The following PPP1R12C variants were observed in gnomAD, a reference collection of about 807,000 sequenced individuals.
PPP1R12C encodes the protein leukocyte receptor cluster (LRC) encoded novel gene 3.
PPP1R12C carries 48 observed loss-of-function variants against 95.6 expected under a neutral mutation model. The ratio of observed to expected loss-of-function variants is 0.50; its 90% CI spans 0.40 to 0.64. The LOEUF is 0.64. PPP1R12C is among the 30% of genes least tolerant of loss of function. The pLI, the probability that PPP1R12C is intolerant of heterozygous loss-of-function variation, is 0.00. For missense variants in PPP1R12C, 1,057 were observed against 1,083.3 expected, an observed-to-expected ratio of 0.98 and a Z score of 0.34; for synonymous variants, 480 against 460.8, an observed-to-expected ratio of 1.04 and a Z score of -0.53.
In PPP1R12C at chr19:55,096,299, G is replaced by A; in HGVS notation, c.988C>T (p.Gln330Ter). 6.2e-7 allele frequency: 1 copy of A among 1,613,790 alleles called. No homozygotes were observed. The highest frequency in any genetic ancestry group is 8.5e-7 in the Non-Finnish European group (1 of 1,179,926). The change falls in exon 7 of 22, where the codon CAG (glutamine) becomes TAG (stop). Residue 330 changes from glutamine (Q) to a stop codon, truncating the protein, a stop_gained. Transcript: ENST00000263433. LOFTEE classifies it high-confidence loss of function. Reference sequence around the variant, plus strand: ...CTGCTAGAGGGCGCTTGGGGCTCCTGGCCCCGGCTCTGGGAAGCTTCTTTT... The same window carrying A: ...CTGCTAGAGGGCGCTTGGGGCTCCTAGCCCCGGCTCTGGGAAGCTTCTTTT... ...NQKEASQSRG[Q>*]EPQAPSSSKH...
At chr19:55,106,430 T>A (rs2085039407) in intron 3 of PPP1R12C, among the ~76,000 whole-genome samples, 2 of 152,210 alleles carry the variant, frequency 1.3e-5, no homozygotes, top group South Asian at 4.1e-4. Context: ...GCTGGAATCA[T>A]CACCTTTCCC....
At chr19:55,095,405 G>T in intron 10 of PPP1R12C, 40 bp downstream of exon 10, 1 of 1,564,934 alleles carries the variant, frequency 6.4e-7, no homozygotes, top group Non-Finnish European at 8.7e-7. Flanking sequence ...CCTCGACTGG[G>T]CAGGGGCCTG....
rs973562488 is a variant in PPP1R12C, at chr19:55,091,024, C to T, written c.*448G>A. 1.8e-5 allele frequency: 3 copies of T among 162,714 alleles called. No homozygotes were observed. Among genetic ancestry groups the T allele is most frequent in the Admixed American group, 6.2e-5 (1 of 16,184 alleles). 10.1% of individuals were successfully genotyped at this position (162,714 alleles called of 1,614,324 possible). A position where few individuals can be genotyped will look rare whatever the true frequency, so the allele number is the denominator to read the frequency against. ...GGAGGGGGCAGCAAAAAATAGAAGA[C>T]GTCCCTCCCTATTGCACATGGACCC... On this transcript the variant is annotated 3_prime_UTR_variant, in exon 22 of 22. Transcript: ENST00000263433.
At chr19:55,110,860 ACT>A (rs1180084693) in intron 3 of PPP1R12C, among the ~76,000 whole-genome samples, 2 of 148,310 alleles carry the variant, frequency 1.3e-5, no homozygotes, top group Non-Finnish European at 3.0e-5. Context: ...AAAAAGTGAA[ACT>A]CTGTTTCAAA....
At chr19:55,103,027 C>T (rs11673435) in intron 4 of PPP1R12C, among the ~76,000 whole-genome samples, 33,203 of 152,022 alleles carry the variant, frequency 0.22, 4,430 homozygotes, top group Non-Finnish European at 0.29. Flanking sequence ...CATGGTGAAA[C>T]CCCATCTCTA....
Position 55,096,171 on chromosome 19 carries a change from C to T in PPP1R12C, c.1033G>A (p.Val345Met). 1 of 1,606,420 alleles carries T rather than the reference C, an allele frequency of 6.2e-7. No homozygotes were observed. The highest frequency in any genetic ancestry group is 8.5e-7 in the Non-Finnish European group (1 of 1,175,368). Residue 345 changes from valine to methionine, a missense_variant, in exon 8 of 22, where the codon GTG (valine) becomes ATG (methionine). Transcript: ENST00000263433. ...TTCTCGCGACTGCTCAGACGACACA[C>T]AGAGCTCCTGTTGGGGAAGGAGAGG... Reference protein sequence around the residue: ...PSSSKHRRSSVCRLSSREKIS... With the variant: ...PSSSKHRRSSMCRLSSREKIS...
In PPP1R12C at chr19:55,103,477, G is replaced by A. The variant is rs950771571; in HGVS notation, c.663C>T (p.Ala221=). The change falls in exon 4 of 22, where the codon GCC becomes GCT. Residue 221 remains alanine, a synonymous_variant. Transcript: ENST00000263433. The part of the protein sequence containing the change: ...CWLNGGAMPE[A]RHPRTGASAL... ...CAGAGGCGCCTGTGCGGGGGTGCCG[G>A]GCCTCTGGCATGGCGCCCCCATTCA... 18 of 1,600,914 alleles carry A rather than the reference G, an allele frequency of 1.1e-5. No individual in the cohort carries two copies. The highest frequency in any genetic ancestry group is 1.5e-5 in the Non-Finnish European group (17 of 1,171,030).
chr19:55,101,205 G>A (rs929373385), intron 4 of PPP1R12C, among the ~76,000 whole-genome samples: 3 of 151,914 alleles, frequency 2.0e-5, no homozygotes, highest in Non-Finnish European at 4.4e-5. Flanking sequence ...CTGAGACCGC[G>A]CCACTGCACT....
At chr19:55,113,374 G>C in intron 1 of PPP1R12C, 1 of 1,433,070 alleles carries the variant, frequency 7.0e-7, no homozygotes. Context: ...CTCCCAGAGG[G>C]GTGAGACAGC....
chr19:55,117,509 C>CCCGGGCCAGCCG lies in PPP1R12C; in HGVS notation c.23_34dup (p.Ala8_Pro11dup). 9.7e-7 allele frequency: 1 copy of CCCGGGCCAGCCG among 1,027,296 alleles called. No homozygotes were observed. Among genetic ancestry groups the CCCGGGCCAGCCG allele is most frequent in the Non-Finnish European group, 1.2e-6 (1 of 857,538 alleles). 63.6% of individuals were successfully genotyped at this position (1,027,296 alleles called of 1,614,324 possible). ...CTCCCGGGCAGCCGCCGCCGCCGCC[C>CCCGGGCCAGCCG]CCGGGCCAGCCGCCGGGCCATCCTC... On this transcript the variant is annotated inframe_insertion, in exon 1 of 22. Coordinates refer to ENST00000263433, the MANE Select transcript of PPP1R12C (RefSeq NM_017607.4).
intron 3 of PPP1R12C, among the ~76,000 whole-genome samples, chr19:55,110,133 G>A (rs1400245570): frequency 6.6e-6 from 1 of 152,138 alleles, no homozygotes; most frequent in Non-Finnish European, 1.5e-5. Context: ...GCCATTCCCG[G>A]CCTCCCTGGG....
intron 16 of PPP1R12C, 45 bp from the exon 17 acceptor site, chr19:55,092,707 T>C (rs1229989155): frequency 5.2e-6 from 8 of 1,527,446 alleles, no homozygotes; most frequent in South Asian, 1.3e-5. Context: ...GGAGGGACTT[T>C]AGCGGGTATG....
intron 11 of PPP1R12C, 146 bp from the exon 12 acceptor site, chr19:55,094,944 T>G (rs2084892821): frequency 1.0e-6 from 1 of 974,228 alleles, no homozygotes; most frequent in South Asian, 1.4e-5. Context: ...ACAAAAGCCA[T>G]GAAAAGACCA....
chr19:55,097,504 A>G lies in PPP1R12C; in HGVS notation c.952-1169T>C, dbSNP rs28704187. On this transcript the variant is annotated intron_variant, in intron 6 of 21. Transcript: ENST00000263433. The stretch of plus-strand genomic sequence containing the variant: ...CCCCGCGCAGTTCACCACCGTCTTC[A>G]CCCCTACCCCGCACAGTTCGCAGTT... Among the ~76,000 whole-genome samples, 135 of 119,948 alleles carry G rather than the reference A, an allele frequency of 1.1e-3. 14 individuals are homozygous for G. The highest frequency in any genetic ancestry group is 4.6e-3 in the African/African-American group (109 of 23,908). The allele number at this position is 119,948 out of a possible 152,430, so 78.7% of individuals were successfully genotyped here.
intron 4 of PPP1R12C, among the ~76,000 whole-genome samples, chr19:55,101,825 C>T (rs986984211): frequency 6.6e-6 from 1 of 152,132 alleles, no homozygotes; most frequent in Admixed American, 6.6e-5. Context: ...TCAGCAGGTG[C>T]TAAGCAGAAG....
At chr19:55,093,345 G>GCCCCTCCTCCCTC in intron 13 of PPP1R12C, 112 bp from the exon 14 acceptor site, 1 of 128,702 alleles carries the variant, frequency 7.8e-6, no homozygotes, top group African/African-American at 5.5e-5. Context: ...CAGGAGCCCA[G>GCCCCTCCTCCCTC]ACCCCAGCCC....
intron 4 of PPP1R12C, among the ~76,000 whole-genome samples, chr19:55,100,722 C>T (rs1026539791): frequency 1.3e-5 from 2 of 152,198 alleles, no homozygotes; most frequent in African/African-American, 4.8e-5. Context: ...AAGCAATTCT[C>T]CTGCCTCAGC....
Position 55,117,623 on chromosome 19 carries a change from G to A in PPP1R12C, c.-80C>T. 1.1e-6 allele frequency: 1 copy of A among 886,664 alleles called. No homozygotes were observed. Among genetic ancestry groups the A allele is most frequent in the Non-Finnish European group, 1.3e-6 (1 of 748,942 alleles). The allele number at this position is 886,664 out of a possible 1,614,324, so 54.9% of individuals were successfully genotyped here. A position where few individuals can be genotyped will look rare whatever the true frequency, so the allele number is the denominator to read the frequency against. ...CCACCCGCCCGCCCGCCCGCCCCGG[G>A]GGCCGCCGGGAACTGCCGCTGGCCC... On this transcript the variant is annotated 5_prime_UTR_variant, in exon 1 of 22. Coordinates refer to ENST00000263433, the MANE Select transcript of PPP1R12C (RefSeq NM_017607.4).
chr19:55,092,150 T>C (rs1460751070), intron 19 of PPP1R12C, 72 bp downstream of exon 19: 4 of 1,378,746 alleles, frequency 2.9e-6, no homozygotes, highest in Non-Finnish European at 3.9e-6. Flanking sequence ...GGCCAGGCTC[T>C]ACCTCCCAGC....
Sources: allele counts gnomAD v4.1 joint callset (sites outside exome capture counted in the v4.1 genomes callset), GRCh38; gene constraint gnomAD v4.1.1; transcripts MANE v1.5; gene names NCBI Gene and HGNC (gene_info 2026-07-23, HGNC 2026-07-21).